Variants in ARPP21 observed in about 807,000 individuals in gnomAD.
ARPP21 encodes cAMP-regulated phosphoprotein 21.
In ARPP21, 69 loss-of-function variants were observed where a neutral mutation model predicts 113.2. The observed-to-expected ratio is 0.61, with a 90% CI of 0.50 to 0.74. The LOEUF is 0.74. Ranked by LOEUF, ARPP21 falls within the 30% of genes least tolerant of loss-of-function variation. ARPP21 has a pLI of 0.00. For synonymous variants in ARPP21, 368 were observed against 375.5 expected (o/e 0.98, Z 0.23); for missense variants, 1,070 against 1,037.4 (o/e 1.03, Z -0.43).
chr3:35,744,137 G>C (rs1210618816), intron 19 of ARPP21, among the ~76,000 whole-genome samples, 172 bp downstream of exon 19: 1 of 152,230 alleles, frequency 6.6e-6, no homozygotes, highest in Non-Finnish European at 1.5e-5. Context: ...GTAGGTACAA[G>C]AAGGTGAAGC....
chr3:35,732,364 C>T (rs909529902), intron 15 of ARPP21, among the ~76,000 whole-genome samples: 5 of 152,168 alleles, frequency 3.3e-5, no homozygotes, highest in African/African-American at 1.2e-4. Flanking sequence ...TTTTGTCTGG[C>T]CTCAGACTCA....
At chr3:35,787,493 C>A (rs1393464606) in intron 19 of ARPP21, among the ~76,000 whole-genome samples, 2 of 152,106 alleles carry the variant, frequency 1.3e-5, no homozygotes, top group Non-Finnish European at 2.9e-5. Flanking sequence ...AATGAAGGGA[C>A]AAGAGTCTGT....
intron 14 of ARPP21, 87 bp from the exon 15 acceptor site, chr3:35,729,216 C>T (rs1030828552): frequency 2.3e-5 from 20 of 855,986 alleles, no homozygotes; most frequent in African/African-American, 1.2e-4. Context: ...AATGATGTGT[C>T]GCAGAAAAGT....
chr3:35,710,365 A>T (rs905367191), intron 11 of ARPP21, among the ~76,000 whole-genome samples: 3 of 152,120 alleles, frequency 2.0e-5, no homozygotes, highest in African/African-American at 7.2e-5. Flanking sequence ...TGTTTGGTGG[A>T]TACAAGAATG....
rs78125108 is a variant in ARPP21, at chr3:35,693,661, C to G, written c.686+2656C>G. Among the ~76,000 whole-genome samples, 517 of 151,762 alleles carry G rather than the reference C, an allele frequency of 3.4e-3. 1 individual carries two copies. Among genetic ancestry groups the G allele is most frequent in the Non-Finnish European group, 5.6e-3 (382 of 67,756 alleles). ...AATGGGGCATTATATTCAAAACATT[C>G]TATTTAAGTTCTAAGTGTCTTGGTT... On this transcript the variant is annotated intron_variant, in intron 9 of 20. Transcript: ENST00000684406.
intron 6 of ARPP21, among the ~76,000 whole-genome samples, chr3:35,688,693 T>C (rs2081327984): frequency 6.6e-6 from 1 of 151,632 alleles, no homozygotes. Context: ...CATCTGCTTA[T>C]AATTGTTGTT....
rs1397312919 is a variant in ARPP21 at position 35,685,602 on chromosome 3, G to A, written c.261+1787G>A. The A allele has an allele frequency of 7.1e-6, 7 of 985,188 alleles. No individual in the cohort carries two copies. In the South Asian group the frequency reaches 1.4e-4, roughly 20 times the overall value. The allele number at this position is 985,188 out of a possible 1,614,324, so 61.0% of individuals were successfully genotyped here. On this transcript the variant is annotated intron_variant, in intron 5 of 20. Transcript: ENST00000684406. ...CTTCCCCAATGTTTGTAAATTCACAGTATTTGGAAAACTGCCTTCATTTTC... is the reference window on the plus strand; with the variant it reads ...CTTCCCCAATGTTTGTAAATTCACAATATTTGGAAAACTGCCTTCATTTTC...
intron 9 of ARPP21, 66 bp downstream of exon 9, chr3:35,691,071 C>T (rs2082102620): frequency 1.3e-6 from 2 of 1,512,336 alleles, no homozygotes; most frequent in African/African-American, 2.8e-5. Context: ...TATAAGATCA[C>T]AGTATAAAAT....
chr3:35,754,852 G>T (rs1410377245), intron 19 of ARPP21, among the ~76,000 whole-genome samples: 2 of 151,928 alleles, frequency 1.3e-5, no homozygotes, highest in African/African-American at 4.8e-5. Flanking sequence ...AGAATTTTCT[G>T]TAAAGATGGA....
At chr3:35,680,416 A>G (rs984643238) in intron 2 of ARPP21, among the ~76,000 whole-genome samples, 2 of 151,934 alleles carry the variant, frequency 1.3e-5, no homozygotes, top group Non-Finnish European at 2.9e-5. Flanking sequence ...TTGCATTCCC[A>G]CAATCCTTTG....
chr3:35,723,214 C>A (rs1248320658), intron 14 of ARPP21, among the ~76,000 whole-genome samples: 1 of 152,144 alleles, frequency 6.6e-6, no homozygotes, highest in Non-Finnish European at 1.5e-5. Flanking sequence ...CCCAATCACC[C>A]TTTACACTGA....
intron 14 of ARPP21, among the ~76,000 whole-genome samples, chr3:35,728,394 A>G (rs1053021683): frequency 3.3e-5 from 5 of 150,988 alleles, no homozygotes; most frequent in African/African-American, 1.2e-4. Context: ...AATTTTCTGT[A>G]TTTTTAGTAG....
chr3:35,778,115 A>G (rs778360989), intron 19 of ARPP21, among the ~76,000 whole-genome samples: 4 of 152,234 alleles, frequency 2.6e-5, no homozygotes, highest in Non-Finnish European at 5.9e-5. Flanking sequence ...ACAGTATTCC[A>G]CTAAAAGCGT....
At position 35,737,287 on chromosome 3, in the gene ARPP21, G is replaced by A; in HGVS notation, c.1569G>A (p.Gln523=). ...GGCAGTCCCAACAGCAGCCACCACA[G>A]CAGCAGCCCTCCCCGCAGCCCCAAC... ...MVGQSQQQPP[Q]QQPSPQPQQQ... is the part of the protein sequence containing the mutation. Residue 523 remains glutamine (Q), a synonymous_variant, in exon 16 of 21, where the codon CAG becomes CAA. Transcript: ENST00000684406. 6.2e-7 allele frequency: 1 copy of A among 1,612,704 alleles called. No homozygotes were observed. The highest frequency in any genetic ancestry group is 8.5e-7 in the Non-Finnish European group (1 of 1,178,970).
chr3:35,670,887 G>A (rs1489980450), intron 1 of ARPP21, among the ~76,000 whole-genome samples: 4 of 152,098 alleles, frequency 2.6e-5, no homozygotes, highest in East Asian at 3.9e-4. Flanking sequence ...ACTGGCCTGC[G>A]GGCCCTCTCT....
chr3:35,731,755 T>C (rs1450834366), intron 15 of ARPP21, among the ~76,000 whole-genome samples: 1 of 152,192 alleles, frequency 6.6e-6, no homozygotes, highest in Non-Finnish European at 1.5e-5. Context: ...CTCATCTTTT[T>C]CTGTCATTGC....
chr3:35,721,606 G>A lies in ARPP21; in HGVS notation c.997G>A (p.Gly333Ser). 6.3e-7 allele frequency: 1 copy of A among 1,589,986 alleles called. No individual in the cohort carries two copies. Residue 333 changes from glycine (G) to serine (S), a missense_variant and splice_region_variant, in exon 14 of 21, where the codon GGC (glycine) becomes AGC (serine). Coordinates refer to ENST00000684406, the MANE Select transcript of ARPP21 (RefSeq NM_001385562.1). ...ATCTTTCTGGTGGTCGTACTCCAGG[G>A]GCAACAGAGATGGCTCAGGGAGAAC... is the stretch of plus-strand genomic sequence containing the variant. ...ETYKKRQLFR[G>S]NRDGSGRTSG...
intron 19 of ARPP21, among the ~76,000 whole-genome samples, chr3:35,780,916 G>C (rs2096511129): frequency 6.6e-6 from 1 of 152,060 alleles, no homozygotes; most frequent in South Asian, 2.1e-4. Flanking sequence ...AGGCTGGGTT[G>C]AGTGGCAAGC....
intron 19 of ARPP21, among the ~76,000 whole-genome samples, chr3:35,778,055 G>A (rs2096422732): frequency 6.6e-6 from 1 of 152,148 alleles, no homozygotes. Flanking sequence ...ATATTACCAG[G>A]TGTTAAAAAG....
Sources: gnomAD v4.1 joint callset for allele counts (sites outside exome capture counted in the v4.1 genomes callset) on GRCh38, gnomAD v4.1.1 for gene constraint, MANE v1.5 for transcripts, NCBI Gene and HGNC (gene_info 2026-07-23, HGNC 2026-07-21) for gene names.